Variants in BTK observed in about 807,000 individuals in gnomAD.
BTK encodes tyrosine-protein kinase BTK.
In BTK, 5 loss-of-function variants were observed where a neutral mutation model predicts 57.4. That is an observed-to-expected ratio of 0.09 (90% CI 0.05 to 0.18). The LOEUF is 0.18. BTK is among the 10% of genes least tolerant of loss of function. BTK has a pLI of 1.00. For missense variants in BTK, 194 were observed against 501.2 expected (o/e 0.39, Z 5.85); for synonymous variants, 154 against 174.3 (o/e 0.88, Z 0.92).
intron 1 of BTK, among the ~76,000 whole-genome samples, chrX:101,383,605 C>T (rs1927523496): frequency 9.1e-6 from 1 of 109,895 alleles, no homozygotes; most frequent in Non-Finnish European, 1.9e-5. Flanking sequence ...TTGTCTAAAA[C>T]TTAACTTCTC....
In BTK at chrX:101,371,662, T is replaced by C. The variant is rs1450054904; in HGVS notation, c.280A>G (p.Ile94Val). ...EESSEMEQIS[I>V]IERFPYPFQV... ...AAGGGATAAGGGAACCTTTCAATGA[T>C]TGAAATTTGCTCCATTTCACTGGAC... Residue 94 changes from isoleucine (I) to valine (V), a missense_variant, in exon 4 of 19, where the codon ATC becomes GTC. Coordinates refer to ENST00000308731, the MANE Select transcript of BTK (RefSeq NM_000061.3). 2.5e-6 allele frequency: 3 copies of C among 1,209,465 alleles called. No homozygotes were observed. The highest frequency in any genetic ancestry group is 2.2e-6 in the Non-Finnish European group (2 of 894,701).
At chrX:101,373,155 T>C (rs1927090075) in intron 3 of BTK, among the ~76,000 whole-genome samples, 1 of 110,842 alleles carries the variant, frequency 9.0e-6, no homozygotes, top group African/African-American at 3.3e-5. Context: ...GGCACTCTCA[T>C]ACATAGCTTG....
At chrX:101,356,563 C>A in intron 14 of BTK, 1 of 458,649 alleles carries the variant, frequency 2.2e-6, no homozygotes, top group Non-Finnish European at 3.8e-6. Flanking sequence ...CCAAATGCTA[C>A]TGAGATGGTA....
chrX:101,380,212 T>A (rs1340725227), intron 1 of BTK, among the ~76,000 whole-genome samples: 2 of 111,413 alleles, frequency 1.8e-5, no homozygotes, highest in Admixed American at 9.6e-5. Context: ...GCTCAAGCGA[T>A]CCTCCTGCCT....
Position 101,360,155 on chromosome X carries a change from G to T in BTK, c.777-5C>A. 1 of 1,197,125 alleles carries T rather than the reference G, an allele frequency of 8.4e-7. No homozygotes were observed. Among genetic ancestry groups the T allele is most frequent in the Non-Finnish European group, 1.1e-6 (1 of 883,781 alleles). Reference sequence around the variant, plus strand: ...CTAGGAATGTAGCCTTCCTGCCTGTGAAGGAAACAATGTGGCAGTTCATCC... The same window carrying T: ...CTAGGAATGTAGCCTTCCTGCCTGTTAAGGAAACAATGTGGCAGTTCATCC... On this transcript the variant is annotated splice_region_variant and splice_polypyrimidine_tract_variant and intron_variant, in intron 8 of 18. Coordinates refer to ENST00000308731, the MANE Select transcript of BTK (RefSeq NM_000061.3).
intron 1 of BTK, among the ~76,000 whole-genome samples, chrX:101,383,871 A>G (rs1355824877): frequency 4.5e-5 from 5 of 111,653 alleles, no homozygotes; most frequent in African/African-American, 1.3e-4. Flanking sequence ...ACGTGGCCCA[A>G]TTGTTTCAGG....
At chrX:101,359,269 G>A (rs782404322) in intron 10 of BTK, 24 bp downstream of exon 10, 32 of 1,206,480 alleles carry the variant, frequency 2.7e-5, no homozygotes, top group South Asian at 2.1e-4. Flanking sequence ...GGAGAATGCT[G>A]TGTGCTAGTG....
At chrX:101,353,439 G>T in intron 17 of BTK, 88 bp from the exon 18 acceptor site, 1 of 971,411 alleles carries the variant, frequency 1.0e-6, no homozygotes, top group Non-Finnish European at 1.5e-6. Flanking sequence ...TCAAAGATTA[G>T]AATCAGTTGG....
intron 4 of BTK, among the ~76,000 whole-genome samples, chrX:101,370,450 G>A (rs1926989839): frequency 8.9e-6 from 1 of 111,808 alleles, no homozygotes; most frequent in African/African-American, 3.2e-5. Flanking sequence ...GTATAGAAGA[G>A]AAATGAAGTG....
chrX:101,361,851 T>C (rs1317133543), intron 7 of BTK, among the ~76,000 whole-genome samples: 2 of 112,141 alleles, frequency 1.8e-5, no homozygotes, highest in African/African-American at 6.5e-5. Context: ...GCCGAGATCA[T>C]GCCATTACAC....
At chrX:101,350,736 C>T (rs1439977020) in intron 18 of BTK, among the ~76,000 whole-genome samples, 5 of 111,256 alleles carry the variant, frequency 4.5e-5, no homozygotes, top group Non-Finnish European at 9.4e-5. Flanking sequence ...CGTGAGCCAC[C>T]GCGCCCGGCC....
chrX:101,358,131 T>C, intron 12 of BTK, 179 bp downstream of exon 12: 1 of 645,219 alleles, frequency 1.5e-6, no homozygotes. Flanking sequence ...AGTCAGTCCC[T>C]GTTGGGTGTA....
Position 101,349,924 on chromosome X carries a change from A to C in BTK, c.1941T>G (p.Leu647=), listed in dbSNP as rs1434076466. The change falls in exon 19 of 19, where the codon CTT becomes CTG. Residue 647 remains leucine (L), a synonymous_variant. Transcript: ENST00000308731. The part of the protein sequence containing the change: ...KADERPTFKI[L]LSNILDVMDE... ...CCATGACATCTAGAATATTGCTCAGAAGAATTTTGAAAGTGGGACGCTCAT... is the reference window on the plus strand; with the variant it reads ...CCATGACATCTAGAATATTGCTCAGCAGAATTTTGAAAGTGGGACGCTCAT... The C allele has an allele frequency of 8.3e-7, 1 of 1,209,839 alleles. No homozygotes were observed. The highest frequency in any genetic ancestry group is 1.1e-6 in the Non-Finnish European group (1 of 894,155).
chrX:101,357,436 C>G, intron 13 of BTK, 73 bp downstream of exon 13: 1 of 986,583 alleles, frequency 1.0e-6, no homozygotes, highest in East Asian at 3.1e-5. Flanking sequence ...AAGGACACTC[C>G]CTAAGGCAAG....
At chrX:101,376,957 G>A (rs1555981123) in intron 1 of BTK, among the ~76,000 whole-genome samples, 1 of 111,326 alleles carries the variant, frequency 9.0e-6, no homozygotes, top group Non-Finnish European at 1.9e-5. Context: ...TCTCATGCTG[G>A]GGAGACGAAA....
chrX:101,382,751 G>T (rs957154477), intron 1 of BTK, among the ~76,000 whole-genome samples: 1 of 111,867 alleles, frequency 8.9e-6, no homozygotes, highest in South Asian at 3.7e-4. Flanking sequence ...TGCTCTGAGG[G>T]TGACTGCTGG....
At chrX:101,384,310 A>G (rs189476285) in intron 1 of BTK, among the ~76,000 whole-genome samples, 5 of 112,397 alleles carry the variant, frequency 4.4e-5, no homozygotes, top group African/African-American at 1.6e-4. Flanking sequence ...TTTACAAAGA[A>G]TTCCAGGGTG....
rs781811793 is a variant in BTK at position 101,373,007 on chromosome X, C to G, written c.241-1306G>C. Among the ~76,000 whole-genome samples the G allele has an allele frequency of 1.1e-4, 12 of 108,221 alleles. No homozygotes were observed. In the East Asian group the frequency reaches 3.6e-3, roughly 32 times the overall value. 94.0% of individuals were successfully genotyped at this position (108,221 alleles called of 115,157 possible). A position where few individuals can be genotyped will look rare whatever the true frequency, so the allele number is the denominator to read the frequency against. On this transcript the variant is annotated intron_variant, in intron 3 of 18. Coordinates refer to ENST00000308731, the MANE Select transcript of BTK (RefSeq NM_000061.3). The stretch of plus-strand genomic sequence containing the variant: ...GCTGGGGCAGGAGAATCACTTGAAC[C>G]GGAGGCAGAGGTTACAGTGAGCGGA...
At chrX:101,374,877 C>A (rs1357819017) in intron 2 of BTK, among the ~76,000 whole-genome samples, 1 of 111,841 alleles carries the variant, frequency 8.9e-6, no homozygotes, top group Non-Finnish European at 1.9e-5. Flanking sequence ...CAATTTCCAA[C>A]TCTTCGATTT....
Sources: allele counts gnomAD v4.1 joint callset (sites outside exome capture counted in the v4.1 genomes callset), GRCh38; gene constraint gnomAD v4.1.1; transcripts MANE v1.5; gene names NCBI Gene and HGNC (gene_info 2026-07-23, HGNC 2026-07-21).